ACVR1: variants seen among roughly 807,000 people sequenced by gnomAD.
ACVR1 encodes activin receptor type-1.
In ACVR1, 38 loss-of-function variants were observed where a neutral mutation model predicts 57.1. The observed-to-expected ratio is 0.67, with a 90% confidence interval of 0.51 to 0.87. The LOEUF is 0.87. Ranked by LOEUF, ACVR1 falls within the 40% of genes least tolerant of loss-of-function variation. ACVR1 has a pLI of 0.00. For missense variants in ACVR1, 463 were observed against 638.2 expected, an observed-to-expected ratio of 0.73 and a Z score of 2.96; for synonymous variants, 212 against 228.1, an observed-to-expected ratio of 0.93 and a Z score of 0.63.
chr2:157,739,036 T>C (rs573822517), intron 9 of ACVR1, among the ~76,000 whole-genome samples: 51 of 152,332 alleles, frequency 3.3e-4, no homozygotes, highest in African/African-American at 1.2e-3. Context: ...AAGACCATCA[T>C]CAAAATACCC....
At chr2:157,775,508 T>C (rs1686247185) in intron 5 of ACVR1, among the ~76,000 whole-genome samples, 1 of 152,218 alleles carries the variant, frequency 6.6e-6, no homozygotes, top group Admixed American at 6.5e-5. Flanking sequence ...TTGTGTGAAT[T>C]TCATCTTCTT....
At chr2:157,771,622 T>C (rs1686073205) in intron 6 of ACVR1, among the ~76,000 whole-genome samples, 1 of 152,166 alleles carries the variant, frequency 6.6e-6, no homozygotes, top group Non-Finnish European at 1.5e-5. Context: ...TATACAGGAA[T>C]ACAGTTCTTT....
Position 157,736,934 on chromosome 2 carries a change from T to C in ACVR1, c.*597A>G, listed in dbSNP as rs1684554743. On this transcript the variant is annotated 3_prime_UTR_variant, in exon 11 of 11. Coordinates refer to ENST00000434821, the MANE Select transcript of ACVR1 (RefSeq NM_001111067.4). Reference sequence around the variant, plus strand: ...CAATTCCTAATGTTCGGCATCATTGTAAACATCAGCACATGTGTAAAATGC... The same window carrying C: ...CAATTCCTAATGTTCGGCATCATTGCAAACATCAGCACATGTGTAAAATGC... The C allele has an allele frequency of 9.6e-6, 3 of 311,644 alleles. No homozygotes were observed. The East Asian group carries it at 1.3e-4, about 14-fold the overall frequency. 19.3% of individuals were successfully genotyped at this position (311,644 alleles called of 1,614,324 possible).
intron 8 of ACVR1, among the ~76,000 whole-genome samples, chr2:157,764,320 T>G (rs1252522335): frequency 6.6e-6 from 1 of 151,762 alleles, no homozygotes; most frequent in African/African-American, 2.4e-5. Flanking sequence ...GTAGCTGAGA[T>G]TCCAGACGCA....
rs1687247223 is a variant in ACVR1 at position 157,799,458 on chromosome 2, G to C, written c.36C>G (p.Ile12Met). Residue 12 changes from isoleucine (I) to methionine (M), a missense_variant, in exon 3 of 11, where the codon ATC becomes ATG. By Grantham distance (10) the Ile-to-Met change is conservative. Around this residue, in one of 3 missense-constraint regions of ACVR1, gnomAD observed 203 missense variants for 235.5 expected, o/e 0.86. Transcript: ENST00000434821. ...TACTAGGGGAGGGGAGAGCAATCAT[G>C]ATAAGCACAGGAAGAATCATCACTC... Reference protein sequence around the residue: ...VDGVMILPVLIMIALPSPSME... With the variant: ...VDGVMILPVLMMIALPSPSME... 2 of 1,612,032 alleles carry C rather than the reference G, an allele frequency of 1.2e-6. No homozygotes were observed. The highest frequency in any genetic ancestry group is 1.7e-6 in the Non-Finnish European group (2 of 1,178,762).
chr2:157,755,523 A>AATACCATACCATACC (rs71402402), intron 9 of ACVR1, among the ~76,000 whole-genome samples: 62 of 149,896 alleles, frequency 4.1e-4, no homozygotes, highest in East Asian at 1.2e-3. Context: ...AGCTGCAAAT[A>AATACCATACCATACC]ATACCATACC....
intron 9 of ACVR1, among the ~76,000 whole-genome samples, chr2:157,756,172 G>A (rs1303880136): frequency 2.0e-5 from 3 of 152,006 alleles, no homozygotes; most frequent in Non-Finnish European, 4.4e-5. Context: ...ACTTAAGATG[G>A]ATCAAGGACT....
chr2:157,753,993 C>G (rs187822287), intron 9 of ACVR1, among the ~76,000 whole-genome samples: 3 of 152,314 alleles, frequency 2.0e-5, no homozygotes, highest in African/African-American at 7.2e-5. Context: ...AATTAAATCT[C>G]CTGCTCCTCA....
At position 157,748,774 on chromosome 2, in the gene ACVR1, C is replaced by T. The variant is rs147261350; in HGVS notation, c.1265-10204G>A. The stretch of plus-strand genomic sequence containing the variant: ...GGAAAAAAAACCACCTAAAGGCATG[C>T]CAATTTTAATTATTGTACACTAAAA... On this transcript the variant is annotated intron_variant, in intron 9 of 10. Transcript: ENST00000434821. Among the ~76,000 whole-genome samples, 126 of 152,236 alleles carry T rather than the reference C, an allele frequency of 8.3e-4. 1 individual carries two copies. Among genetic ancestry groups the T allele is most frequent in the African/African-American group, 3.0e-3 (123 of 41,554 alleles).
At chr2:157,757,019 T>C in intron 9 of ACVR1, among the ~76,000 whole-genome samples, 1 of 126,318 alleles carries the variant, frequency 7.9e-6, no homozygotes, top group Non-Finnish European at 1.6e-5. Context: ...ATATATATAT[T>C]TGATATATAT....
intron 2 of ACVR1, among the ~76,000 whole-genome samples, chr2:157,804,861 T>G (rs1421398027): frequency 6.6e-6 from 1 of 152,208 alleles, no homozygotes; most frequent in Non-Finnish European, 1.5e-5. Context: ...ACTTTTCAAA[T>G]TCCACTTAAA....
At chr2:157,832,192 C>A (rs1274784142) in intron 1 of ACVR1, among the ~76,000 whole-genome samples, 1 of 152,192 alleles carries the variant, frequency 6.6e-6, no homozygotes, top group Non-Finnish European at 1.5e-5. Flanking sequence ...TGTGTCCCAT[C>A]TATAAAACAG....
At chr2:157,825,225 A>G (rs1015313483) in intron 1 of ACVR1, among the ~76,000 whole-genome samples, 1 of 152,210 alleles carries the variant, frequency 6.6e-6, no homozygotes, top group Non-Finnish European at 1.5e-5. Context: ...AGCCTTTTAG[A>G]GCAGCTAGTA....
chr2:157,757,810 A>G (rs1392944653), intron 9 of ACVR1, among the ~76,000 whole-genome samples: 1 of 151,868 alleles, frequency 6.6e-6, no homozygotes. Context: ...AGCATAAAAC[A>G]CTGGTAGAGC....
intron 4 of ACVR1, 136 bp downstream of exon 4, chr2:157,780,201 C>T: frequency 7.8e-7 from 1 of 1,282,334 alleles, no homozygotes; most frequent in Non-Finnish European, 1.1e-6. Context: ...CCCAGGGTGA[C>T]CTTCCTTGTA....
Position 157,736,548 on chromosome 2 carries a change from C to T in ACVR1, c.*983G>A, listed in dbSNP as rs183253908. The T allele has an allele frequency of 2.9e-5, 8 of 272,968 alleles. No individual in the cohort carries two copies. Among genetic ancestry groups the T allele is most frequent in the Admixed American group, 1.6e-4 (3 of 18,636 alleles). The allele number at this position is 272,968 out of a possible 1,614,324, so 16.9% of individuals were successfully genotyped here. The stretch of plus-strand genomic sequence containing the variant: ...TTTTTTCTGGCAGAGTTTAAATGCA[C>T]GTAATGGATAATTCTGAAGAAAATG... On this transcript the variant is annotated 3_prime_UTR_variant, in exon 11 of 11. Transcript: ENST00000434821.
chr2:157,758,494 G>A (rs1283733204), intron 9 of ACVR1, among the ~76,000 whole-genome samples: 1 of 151,910 alleles, frequency 6.6e-6, no homozygotes, highest in East Asian at 1.9e-4. Flanking sequence ...CATAAAGGAA[G>A]AGAGAATATC....
chr2:157,834,778 T>C (rs1688720457), intron 1 of ACVR1, among the ~76,000 whole-genome samples: 1 of 152,170 alleles, frequency 6.6e-6, no homozygotes, highest in Admixed American at 6.5e-5. Flanking sequence ...TGGGATGACA[T>C]TAGGAAGTGA....
chr2:157,796,465 G>A (rs992203127), intron 3 of ACVR1, among the ~76,000 whole-genome samples: 1 of 152,000 alleles, frequency 6.6e-6, no homozygotes, highest in African/African-American at 2.4e-5. Context: ...GACGTAGGAG[G>A]ATCACTTGAG....
Sources: gnomAD v4.1 joint callset for allele counts (sites outside exome capture counted in the v4.1 genomes callset) on GRCh38, gnomAD v4.1.1 for gene constraint, gnomAD v4.1.1 regional missense constraint, MANE v1.5 for transcripts, NCBI Gene and HGNC (gene_info 2026-07-23, HGNC 2026-07-21) for gene names.